PPP6R3: variants seen among roughly 807,000 people sequenced by gnomAD.
The protein encoded by PPP6R3 is serine/threonine-protein phosphatase 6 regulatory subunit 3.
In PPP6R3, 38 loss-of-function variants were observed where a neutral mutation model predicts 110.7. The observed-to-expected ratio is 0.34, with a 90% CI of 0.26 to 0.45. The LOEUF is 0.45. PPP6R3 is among the 20% of genes least tolerant of loss of function. PPP6R3 has a pLI of 1.00. For synonymous variants in PPP6R3, 369 were observed against 373.5 expected (o/e 0.99, Z 0.14); for missense variants, 870 against 1,062.4 (o/e 0.82, Z 2.52).
chr11:68,463,355 GAAAA>G (rs1156285158), intron 1 of PPP6R3, among the ~76,000 whole-genome samples: 7 of 54,626 alleles, frequency 1.3e-4, no homozygotes, highest in East Asian at 1.3e-3. Context: ...CTCAGTCTCA[GAAAA>G]AAAAAAAAAA....
At chr11:68,593,095 A>T (rs1210056893) in intron 18 of PPP6R3, among the ~76,000 whole-genome samples, 1 of 152,232 alleles carries the variant, frequency 6.6e-6, no homozygotes, top group South Asian at 2.1e-4. Context: ...TTCAACATGT[A>T]TATACATCCG....
At chr11:68,577,032 A>C (rs1180654850) in intron 14 of PPP6R3, among the ~76,000 whole-genome samples, 1 of 152,200 alleles carries the variant, frequency 6.6e-6, no homozygotes, top group Non-Finnish European at 1.5e-5. Flanking sequence ...GCGGGGAATA[A>C]TGATAGAATT....
At chr11:68,483,978 G>C (rs1345375637) in intron 1 of PPP6R3, among the ~76,000 whole-genome samples, 1 of 152,130 alleles carries the variant, frequency 6.6e-6, no homozygotes, top group Non-Finnish European at 1.5e-5. Flanking sequence ...TGTTTATGTA[G>C]CCTTTTCATA....
intron 8 of PPP6R3, among the ~76,000 whole-genome samples, chr11:68,563,832 T>G (rs997367211): frequency 2.0e-5 from 3 of 152,230 alleles, no homozygotes; most frequent in South Asian, 2.1e-4. Context: ...GAGTATAGAT[T>G]GAACTTTATG....
intron 11 of PPP6R3, among the ~76,000 whole-genome samples, chr11:68,570,688 G>C (rs1004365129): frequency 2.6e-5 from 4 of 152,190 alleles, no homozygotes; most frequent in African/African-American, 9.7e-5. Context: ...TTTTGCCAAG[G>C]CATAGTTTTC....
rs2153785702 is a variant in PPP6R3, at chr11:68,571,107, A to G, written c.1343+3A>G. ...TGGGAAATGAATGAGAAGAAACAGTAAGTAAATTGTTTTTTTGAAAGGAAT... is the reference window on the plus strand; with the variant it reads ...TGGGAAATGAATGAGAAGAAACAGTGAGTAAATTGTTTTTTTGAAAGGAAT... On this transcript the variant is annotated splice_donor_region_variant and intron_variant, in intron 12 of 23. Coordinates refer to ENST00000393800, the MANE Select transcript of PPP6R3 (RefSeq NM_001164161.2). 6.3e-7 allele frequency: 1 copy of G among 1,598,048 alleles called. No individual in the cohort carries two copies.
intron 3 of PPP6R3, among the ~76,000 whole-genome samples, chr11:68,543,415 T>C (rs1412340940): frequency 6.6e-6 from 1 of 151,880 alleles, no homozygotes; most frequent in Admixed American, 6.6e-5. Flanking sequence ...TTTTTTTTTT[T>C]TCCTTTTCTG....
rs375054317 is a variant in PPP6R3, at chr11:68,569,884, T to C, written c.1265T>C (p.Leu422Ser). The change falls in exon 11 of 24, where the codon TTG becomes TCG. Residue 422 changes from leucine to serine, a missense_variant. Transcript: ENST00000393800. ...ITDQDSTGDN[L>S]LLKHLFQKCQ... ...GATCAAGACTCCACTGGTGATAATT[T>C]GTTATTAAAACATGTAAGCTTATTT... 2.8e-5 allele frequency: 45 copies of C among 1,609,054 alleles called. No individual in the cohort carries two copies. The Middle Eastern group carries it at 8.3e-4, about 30-fold the overall frequency.
At chr11:68,504,543 C>T (rs926582901) in intron 1 of PPP6R3, among the ~76,000 whole-genome samples, 8 of 152,156 alleles carry the variant, frequency 5.3e-5, no homozygotes, top group African/African-American at 1.7e-4. Flanking sequence ...TGGATGAATG[C>T]ACACTTCAGT....
chr11:68,553,513 G>A (rs1056254713), intron 6 of PPP6R3, among the ~76,000 whole-genome samples: 4 of 151,952 alleles, frequency 2.6e-5, no homozygotes, highest in Non-Finnish European at 2.9e-5. Flanking sequence ...CACTGGGCTC[G>A]AACTCCTGAC....
chr11:68,565,983 C>G (rs2099464443), intron 9 of PPP6R3, among the ~76,000 whole-genome samples: 2 of 152,142 alleles, frequency 1.3e-5, no homozygotes, highest in African/African-American at 4.8e-5. Context: ...GCAGAAAGGG[C>G]AGCCTGCCCT....
At chr11:68,558,927 G>A (rs557778149) in intron 8 of PPP6R3, among the ~76,000 whole-genome samples, 5 of 152,286 alleles carry the variant, frequency 3.3e-5, no homozygotes, top group East Asian at 1.9e-4. Flanking sequence ...TTTGGTAGTG[G>A]TAGTTAGGAA....
At chr11:68,545,334 A>G (rs113099716) in intron 4 of PPP6R3, among the ~76,000 whole-genome samples, 1,565 of 152,378 alleles carry the variant, frequency 0.01, 12 homozygotes, top group African/African-American at 0.012. Flanking sequence ...GATGGCAAGT[A>G]TAATAACTAA....
intron 3 of PPP6R3, among the ~76,000 whole-genome samples, chr11:68,539,450 G>A (rs2099297069): frequency 6.6e-6 from 1 of 152,198 alleles, no homozygotes; most frequent in Non-Finnish European, 1.5e-5. Context: ...TTTTGCCTTT[G>A]AGGTTGCAAG....
chr11:68,523,118 G>A (rs1458350770), intron 2 of PPP6R3, among the ~76,000 whole-genome samples: 2 of 152,136 alleles, frequency 1.3e-5, no homozygotes, highest in Non-Finnish European at 2.9e-5. Context: ...TTTGGATAAA[G>A]TCAGTATTAA....
At chr11:68,523,399 C>T (rs1477975471) in intron 2 of PPP6R3, among the ~76,000 whole-genome samples, 2 of 152,200 alleles carry the variant, frequency 1.3e-5, no homozygotes, top group African/African-American at 2.4e-5. Flanking sequence ...TGGTGAAGAA[C>T]ATTCTGCAGT....
intron 4 of PPP6R3, among the ~76,000 whole-genome samples, chr11:68,546,893 T>A (rs1156976137): frequency 7.2e-5 from 11 of 152,226 alleles, no homozygotes. Context: ...CACATGTGAC[T>A]TTTTTCGTCC....
At chr11:68,461,628 T>C (rs984979783) in intron 1 of PPP6R3, among the ~76,000 whole-genome samples, 8 of 152,100 alleles carry the variant, frequency 5.3e-5, no homozygotes, top group African/African-American at 1.9e-4. Flanking sequence ...TAATTATAGG[T>C]GAACGGGATG....
At chr11:68,575,022 C>T (rs2099525096) in intron 13 of PPP6R3, among the ~76,000 whole-genome samples, 1 of 152,144 alleles carries the variant, frequency 6.6e-6, no homozygotes, top group Non-Finnish European at 1.5e-5. Flanking sequence ...CAGTTGTCAC[C>T]AGGGATGGAA....
Sources: allele counts gnomAD v4.1 joint callset (sites outside exome capture counted in the v4.1 genomes callset), GRCh38; gene constraint gnomAD v4.1.1; transcripts MANE v1.5; gene names NCBI Gene and HGNC (gene_info 2026-07-23, HGNC 2026-07-21).